JADE1: variants seen among roughly 807,000 people sequenced by gnomAD.
JADE1 encodes the protein protein Jade-1.
In JADE1, 14 loss-of-function variants were observed where a neutral mutation model predicts 81.8. The observed-to-expected ratio is 0.17, with a 90% CI of 0.11 to 0.27. The LOEUF (loss-of-function observed/expected upper bound fraction) is 0.27. Ranked by LOEUF, JADE1 falls within the 10% of genes least tolerant of loss-of-function variation. The probability of loss-of-function intolerance (pLI) is 1.00; values close to 1 mark genes in which losing one functional copy is unlikely to be tolerated. For synonymous variants in JADE1, 353 were observed against 391.9 expected, an observed-to-expected ratio of 0.90 and a Z score of 1.17; for missense variants, 690 against 1,047.9, an observed-to-expected ratio of 0.66 and a Z score of 4.71.
chr4:128,854,142 C>G (rs1158639447), intron 6 of JADE1, among the ~76,000 whole-genome samples: 1 of 151,832 alleles, frequency 6.6e-6, no homozygotes, highest in African/African-American at 2.4e-5. Context: ...CTGGTCAACC[C>G]CTGTGTTATC....
chr4:128,869,242 A>AATCATTAGCTAATGTAATCATTAGCATC (rs1228058768), intron 10 of JADE1, among the ~76,000 whole-genome samples: 29 of 152,210 alleles, frequency 1.9e-4, no homozygotes, highest in African/African-American at 6.5e-4. Context: ...CATTAGCTGG[A>AATCATTAGCTAATGTAATCATTAGCATC]ACTTGCAGTT....
chr4:128,842,772 GTGAGAGTTAAATAACTGA>G (rs1319469028), intron 2 of JADE1, among the ~76,000 whole-genome samples, 163 bp from the exon 3 acceptor site: 3 of 152,176 alleles, frequency 2.0e-5, no homozygotes, highest in Non-Finnish European at 4.4e-5. Flanking sequence ...CTTATGAGAG[GTGAGAGTTAAATAACTGA>G]TGGACGTGGA....
chr4:128,827,758 A>G (rs1414749863), intron 1 of JADE1: 7 of 315,288 alleles, frequency 2.2e-5, no homozygotes, highest in Non-Finnish European at 3.2e-5. Context: ...TTCTAGGTAC[A>G]AGTAGTTGAA....
chr4:128,856,959 C>G (rs1052312730), intron 7 of JADE1, among the ~76,000 whole-genome samples: 1 of 152,106 alleles, frequency 6.6e-6, no homozygotes, highest in Non-Finnish European at 1.5e-5. Flanking sequence ...ATTTACTTAC[C>G]CTGTTGTTGA....
At chr4:128,863,020 G>T in intron 9 of JADE1, 1 of 985,486 alleles carries the variant, frequency 1.0e-6, no homozygotes, top group Non-Finnish European at 1.2e-6. Context: ...CCCCAGTCAT[G>T]CTCAGCACGC....
At chr4:128,854,234 A>G (rs563830596) in intron 6 of JADE1, among the ~76,000 whole-genome samples, 1 of 152,036 alleles carries the variant, frequency 6.6e-6, no homozygotes, top group South Asian at 2.1e-4. Flanking sequence ...AGGCTTTTGG[A>G]TGCCCCCTTC....
At chr4:128,812,203 C>T (rs1726492428) in intron 1 of JADE1, among the ~76,000 whole-genome samples, 1 of 152,074 alleles carries the variant, frequency 6.6e-6, no homozygotes, top group Non-Finnish European at 1.5e-5. Flanking sequence ...TTGGTTGCGC[C>T]ACGAGAAGGT....
chr4:128,861,603 C>T, intron 8 of JADE1, 101 bp from the exon 9 acceptor site: 1 of 1,291,278 alleles, frequency 7.7e-7, no homozygotes, highest in Non-Finnish European at 1.1e-6. Context: ...AAGCATGGCT[C>T]TTCTCTGTGC....
chr4:128,816,762 T>G (rs1360941639), intron 1 of JADE1, among the ~76,000 whole-genome samples: 1 of 152,256 alleles, frequency 6.6e-6, no homozygotes, highest in Non-Finnish European at 1.5e-5. Flanking sequence ...CTTTTTGCCT[T>G]TAGTTCTTCA....
intron 2 of JADE1, among the ~76,000 whole-genome samples, chr4:128,840,379 G>T (rs749080234): frequency 6.6e-6 from 1 of 152,204 alleles, no homozygotes; most frequent in Non-Finnish European, 1.5e-5. Flanking sequence ...AATTTTTAAA[G>T]TATAGCAGTG....
intron 9 of JADE1, 70 bp from the exon 10 acceptor site, chr4:128,867,785 GA>G: frequency 1.0e-6 from 1 of 961,764 alleles, no homozygotes. Context: ...CTTAGGTAAA[GA>G]AATTTAAAAA....
intron 9 of JADE1, chr4:128,862,472 C>T: frequency 7.3e-7 from 1 of 1,377,874 alleles, no homozygotes; most frequent in Non-Finnish European, 9.4e-7. Context: ...TCCCATTAAT[C>T]TTTACTGTTT....
chr4:128,845,325 T>C (rs1206592197), intron 3 of JADE1, among the ~76,000 whole-genome samples: 1 of 152,160 alleles, frequency 6.6e-6, no homozygotes, highest in African/African-American at 2.4e-5. Context: ...TGATAAGGAA[T>C]TGGGGAGCTC....
intron 9 of JADE1, chr4:128,863,864 A>C: frequency 1.0e-6 from 1 of 985,482 alleles, no homozygotes; most frequent in Non-Finnish European, 1.2e-6. Context: ...GAGGACAAGA[A>C]GTCTATTGTT....
At chr4:128,822,233 G>A (rs1470557623) in intron 1 of JADE1, among the ~76,000 whole-genome samples, 2 of 152,130 alleles carry the variant, frequency 1.3e-5, no homozygotes, top group African/African-American at 2.4e-5. Flanking sequence ...CGGGTGTGGT[G>A]GTGTGCGCCT....
intron 1 of JADE1, among the ~76,000 whole-genome samples, chr4:128,815,920 T>C (rs1167832092): frequency 6.6e-6 from 1 of 152,212 alleles, no homozygotes; most frequent in African/African-American, 2.4e-5. Flanking sequence ...GAGGTTTAGC[T>C]TGATTGTTAA....
At chr4:128,860,141 G>T (rs1242687253) in intron 8 of JADE1, among the ~76,000 whole-genome samples, 3 of 152,166 alleles carry the variant, frequency 2.0e-5, no homozygotes, top group African/African-American at 7.2e-5. Context: ...TTCCCACTTG[G>T]CTGTGTGCTA....
At chr4:128,812,549 T>TCCCGGGTCTCCCCTCGC (rs1726557935) in intron 1 of JADE1, among the ~76,000 whole-genome samples, 2 of 151,980 alleles carry the variant, frequency 1.3e-5, no homozygotes. Flanking sequence ...GCTTGGCGCG[T>TCCCGGGTCTCCCCTCGC]CCCGGGTCTC....
At chr4:128,811,036 C>T (rs1726304598) in intron 1 of JADE1, among the ~76,000 whole-genome samples, 2 of 152,208 alleles carry the variant, frequency 1.3e-5, no homozygotes. Flanking sequence ...CAGAGCCCTT[C>T]AGTGCACGTG....
Sources: allele counts gnomAD v4.1 joint callset (sites outside exome capture counted in the v4.1 genomes callset), GRCh38; gene constraint gnomAD v4.1.1; transcripts MANE v1.5; gene names NCBI Gene and HGNC (gene_info 2026-07-23, HGNC 2026-07-21).